The following DENND5A variants were observed in gnomAD, a reference collection of about 807,000 sequenced individuals.
The protein encoded by DENND5A is DENN domain-containing protein 5A.
A neutral mutation model predicts 140.3 loss-of-function variants in DENND5A; 64 were observed. That is an observed-to-expected ratio of 0.46 (90% confidence interval 0.37 to 0.56). The LOEUF (loss-of-function observed/expected upper bound fraction) is 0.56, where lower values mean the gene tolerates loss of function less well. Ranked by LOEUF, DENND5A falls within the 20% of genes least tolerant of loss-of-function variation. DENND5A has a pLI of 0.00. For synonymous variants in DENND5A, 605 were observed against 607.7 expected, an observed-to-expected ratio of 1.00 and a Z score of 0.07; for missense variants, 1,292 against 1,593.8, an observed-to-expected ratio of 0.81 and a Z score of 3.22.
In DENND5A at chr11:9,204,332, A is replaced by G. The variant is rs2136212583; in HGVS notation, c.292-15T>C. ...GGCATACATAGCTGCAAAAGACAACAAGGCAACAAGCAGTGAGAACACTCA... is the reference window on the plus strand; with the variant it reads ...GGCATACATAGCTGCAAAAGACAACGAGGCAACAAGCAGTGAGAACACTCA... On this transcript the variant is annotated splice_polypyrimidine_tract_variant and intron_variant, in intron 3 of 22. Transcript: ENST00000328194. The G allele has an allele frequency of 6.2e-7, 1 of 1,601,510 alleles. No individual in the cohort carries two copies. The highest frequency in any genetic ancestry group is 2.2e-5 in the East Asian group (1 of 44,824).
At chr11:9,217,194 G>C (rs1385260071) in intron 1 of DENND5A, among the ~76,000 whole-genome samples, 10 of 152,132 alleles carry the variant, frequency 6.6e-5, no homozygotes, top group Admixed American at 6.6e-4. Context: ...AGTGGCTTAA[G>C]ATCACATACT....
rs1459369861 is a variant in DENND5A at position 9,225,500 on chromosome 11, C to T, written c.110-17868G>A. On this transcript the variant is annotated intron_variant, in intron 1 of 22. Transcript: ENST00000328194. ...TTTGGGGCGGGCACGGTGGCTCACGCCTGTAATCCCAATGCTTGGGAGGCT... is the reference window on the plus strand; with the variant it reads ...TTTGGGGCGGGCACGGTGGCTCACGTCTGTAATCCCAATGCTTGGGAGGCT... 2.0e-5 allele frequency among the ~76,000 whole-genome samples: 3 copies of T among 152,170 alleles called. No individual in the cohort carries two copies. In the East Asian group the frequency reaches 5.8e-4, roughly 29 times the overall value.
intron 8 of DENND5A, among the ~76,000 whole-genome samples, chr11:9,176,353 A>G (rs924588997): frequency 6.6e-6 from 1 of 152,236 alleles, no homozygotes; most frequent in African/African-American, 2.4e-5. Context: ...GCAGCAAATG[A>G]GTGACCAAAA....
At chr11:9,186,051 C>T (rs1462446105) in intron 5 of DENND5A, among the ~76,000 whole-genome samples, 1 of 152,222 alleles carries the variant, frequency 6.6e-6, no homozygotes, top group Non-Finnish European at 1.5e-5. Context: ...TCTATTAAAA[C>T]TGCATGTTTA....
At chr11:9,209,160 C>G (rs945195705) in intron 1 of DENND5A, among the ~76,000 whole-genome samples, 19 of 152,160 alleles carry the variant, frequency 1.2e-4, no homozygotes, top group East Asian at 3.8e-4. Context: ...AATATCACAA[C>G]AGAGAGAGGA....
chr11:9,216,135 C>G (rs1850085655), intron 1 of DENND5A, among the ~76,000 whole-genome samples: 1 of 152,206 alleles, frequency 6.6e-6, no homozygotes, highest in African/African-American at 2.4e-5. Flanking sequence ...AAGGACCTAA[C>G]TTGGCTACTT....
At chr11:9,143,712 C>T (rs1342251567) in intron 19 of DENND5A, among the ~76,000 whole-genome samples, 1 of 152,208 alleles carries the variant, frequency 6.6e-6, no homozygotes, top group African/African-American at 2.4e-5. Context: ...CTAAGAAATG[C>T]TGGTAAAGTT....
intron 3 of DENND5A, among the ~76,000 whole-genome samples, chr11:9,205,901 AAATC>A (rs1849678604): frequency 6.6e-6 from 1 of 152,196 alleles, no homozygotes; most frequent in Non-Finnish European, 1.5e-5. Context: ...CCCTGTCTCA[AAATC>A]AAATGTAATA....
chr11:9,197,051 T>C (rs1849353857), intron 4 of DENND5A, among the ~76,000 whole-genome samples: 1 of 151,758 alleles, frequency 6.6e-6, no homozygotes, highest in Non-Finnish European at 1.5e-5. Context: ...ATGCCTGTAA[T>C]CCTAGCACCT....
At chr11:9,255,128 G>T (rs1261414537) in intron 1 of DENND5A, among the ~76,000 whole-genome samples, 1 of 152,044 alleles carries the variant, frequency 6.6e-6, no homozygotes, top group Non-Finnish European at 1.5e-5. Flanking sequence ...TGTCTTCTAG[G>T]ATATGCAAAT....
intron 1 of DENND5A, chr11:9,245,396 G>C (rs1224104292): frequency 6.7e-6 from 1 of 149,440 alleles, no homozygotes; most frequent in African/African-American, 2.5e-5. Flanking sequence ...TCCGAGACCA[G>C]CCTGGCCAAC....
chr11:9,187,139 A>G (rs1357656366), intron 5 of DENND5A, among the ~76,000 whole-genome samples: 1 of 152,102 alleles, frequency 6.6e-6, no homozygotes, highest in African/African-American at 2.4e-5. Context: ...TAAAAAAGCA[A>G]ATTACTACAC....
chr11:9,149,554 C>G (rs1169956301), intron 15 of DENND5A, among the ~76,000 whole-genome samples: 2 of 152,118 alleles, frequency 1.3e-5, no homozygotes, highest in African/African-American at 4.8e-5. Flanking sequence ...CAGGAAAACT[C>G]TGGGAAAGAA....
Position 9,204,097 on chromosome 11 carries a change from T to G in DENND5A, c.512A>C (p.Asp171Ala). 6.2e-7 allele frequency: 1 copy of G among 1,614,168 alleles called. No individual in the cohort carries two copies. Among genetic ancestry groups the G allele is most frequent in the South Asian group, 1.1e-5 (1 of 91,080 alleles). The part of the protein sequence containing the change: ...YDVLHAPPAD[D>A]RDQSSMEDGE... ...ATCCTCCATGCTGCTCTGGTCTCTGTCATCAGCAGGGGGAGCATGTAGGAC... is the reference window on the plus strand; with the variant it reads ...ATCCTCCATGCTGCTCTGGTCTCTGGCATCAGCAGGGGGAGCATGTAGGAC... Residue 171 changes from aspartate (D) to alanine (A), a missense_variant, in exon 4 of 23, where the codon GAC (aspartate) becomes GCC (alanine). Asp to Ala is a moderately radical substitution (Grantham distance 126). This residue lies in a region of DENND5A where 566 missense variants were observed against 650.4 expected (regional missense o/e 0.87). Transcript: ENST00000328194.
intron 1 of DENND5A, among the ~76,000 whole-genome samples, chr11:9,259,735 G>A (rs1403621468): frequency 6.6e-6 from 1 of 151,874 alleles, no homozygotes; most frequent in Non-Finnish European, 1.5e-5. Context: ...GTGACATTAA[G>A]AGACTATTTC....
intron 1 of DENND5A, among the ~76,000 whole-genome samples, chr11:9,211,058 G>A (rs1849860989): frequency 6.6e-6 from 1 of 152,180 alleles, no homozygotes; most frequent in South Asian, 2.1e-4. Context: ...AAGAAGGTCA[G>A]CACTTCAAAG....
intron 1 of DENND5A, among the ~76,000 whole-genome samples, chr11:9,256,637 A>G (rs1322095792): frequency 6.6e-6 from 1 of 152,204 alleles, no homozygotes; most frequent in Non-Finnish European, 1.5e-5. Context: ...AGCCAGTAAC[A>G]AGAGACCACA....
intron 1 of DENND5A, among the ~76,000 whole-genome samples, chr11:9,226,314 T>C (rs1262886361): frequency 6.6e-6 from 1 of 152,200 alleles, no homozygotes. Flanking sequence ...TCTAGAACCC[T>C]ACGGTATAAT....
chr11:9,263,825 G>A (rs1329690181), intron 1 of DENND5A, among the ~76,000 whole-genome samples: 1 of 139,222 alleles, frequency 7.2e-6, no homozygotes, highest in African/African-American at 2.6e-5. Context: ...GTCCGGCCTG[G>A]GCGACAGAGC....
Sources: gnomAD v4.1 joint callset for allele counts (sites outside exome capture counted in the v4.1 genomes callset) on GRCh38, gnomAD v4.1.1 for gene constraint, gnomAD v4.1.1 regional missense constraint, MANE v1.5 for transcripts, NCBI Gene and HGNC (gene_info 2026-07-23, HGNC 2026-07-21) for gene names.